KCNN2: variants seen among roughly 807,000 people sequenced by gnomAD.
The protein encoded by KCNN2 is potassium calcium-activated channel subfamily N member 2.
Under a neutral mutation model 55.5 loss-of-function variants are expected in KCNN2, and 24 were observed. The observed-to-expected ratio is 0.43, with a 90% CI of 0.31 to 0.61. The LOEUF (loss-of-function observed/expected upper bound fraction) is 0.61. KCNN2 is among the 20% of genes least tolerant of loss of function. The probability of loss-of-function intolerance (pLI) is 0.08; values close to 1 mark genes in which losing one functional copy is unlikely to be tolerated. For missense variants in KCNN2, 754 were observed against 853.6 expected (o/e 0.88, Z 1.45); for synonymous variants, 431 against 336.1 (o/e 1.28, Z -3.09).
chr5:114,176,969 G>GTTT (rs549401847), intron 1 of KCNN2, among the ~76,000 whole-genome samples: 10 of 151,222 alleles, frequency 6.6e-5, no homozygotes, highest in Admixed American at 6.6e-4. Flanking sequence ...AGGAGGAACA[G>GTTT]TTTTTTTTTA....
At chr5:114,335,005 G>A (rs560486635) in intron 2 of KCNN2, among the ~76,000 whole-genome samples, 1 of 152,160 alleles carries the variant, frequency 6.6e-6, no homozygotes, top group South Asian at 2.1e-4. Context: ...CTCACTGCAA[G>A]CTCTGCCTTC....
At chr5:114,124,146 A>G (rs1262690669) in intron 1 of KCNN2, among the ~76,000 whole-genome samples, 2 of 152,208 alleles carry the variant, frequency 1.3e-5, no homozygotes, top group East Asian at 3.8e-4. Context: ...GTTTGTCATC[A>G]TAATGGCAGG....
At chr5:114,131,154 A>G (rs755401024) in intron 1 of KCNN2, among the ~76,000 whole-genome samples, 9 of 152,116 alleles carry the variant, frequency 5.9e-5, no homozygotes, top group Admixed American at 3.9e-4. Flanking sequence ...GTTCTGGGGT[A>G]CATGTGCAGG....
intron 2 of KCNN2, among the ~76,000 whole-genome samples, chr5:114,284,060 C>T (rs1391833902): frequency 6.6e-6 from 1 of 152,156 alleles, no homozygotes; most frequent in Admixed American, 6.5e-5. Flanking sequence ...ACTTCAGGAC[C>T]TTGAACCTCA....
Position 114,362,758 on chromosome 5 carries a change from C to G in KCNN2, c.619C>G (p.Pro207Ala). The change falls in exon 1 of 8, where the codon CCC (proline) becomes GCC (alanine). Residue 207 changes from proline (P) to alanine (A), a missense_variant. Transcript: ENST00000673685. ...HQPQARRESN[P>A]FTEIAMSSCR... ...GCCCCAGGCGCGCCGCGAGAGCAAC[C>G]CCTTCACCGAAATAGCCATGAGCAG... 1.3e-6 allele frequency: 2 copies of G among 1,565,394 alleles called. No homozygotes were observed. Among genetic ancestry groups the G allele is most frequent in the Non-Finnish European group, 1.7e-6 (2 of 1,162,016 alleles).
At position 114,172,024 on chromosome 5, in the gene KCNN2, G is replaced by T. The variant is rs148816249; in HGVS notation, c.-270-49456G>T. Among the ~76,000 whole-genome samples, 8 of 151,868 alleles carry T rather than the reference G, an allele frequency of 5.3e-5. 1 individual carries two copies. The highest frequency in any genetic ancestry group is 5.3e-4 in the Admixed American group (8 of 15,216). On this transcript the variant is annotated intron_variant, in intron 1 of 10. Transcript: ENST00000512097. Reference sequence around the variant, plus strand: ...TGTGCTCTGGGTTTTAGGAACTCAGGAAACATTATTGATCCTATAATGCTT... The same window carrying T: ...TGTGCTCTGGGTTTTAGGAACTCAGTAAACATTATTGATCCTATAATGCTT...
intron 2 of KCNN2, among the ~76,000 whole-genome samples, chr5:114,293,803 CT>C (rs1188439472): frequency 1.3e-5 from 2 of 152,174 alleles, no homozygotes; most frequent in Non-Finnish European, 2.9e-5. Context: ...TAGAATTCGG[CT>C]GTGAATCCAT....
At chr5:114,163,522 C>T (rs961643094) in intron 1 of KCNN2, among the ~76,000 whole-genome samples, 20 of 152,092 alleles carry the variant, frequency 1.3e-4, no homozygotes, top group African/African-American at 4.8e-4. Context: ...TATCAAAAGC[C>T]TTTTCTGCAT....
intron 2 of KCNN2, among the ~76,000 whole-genome samples, chr5:114,265,734 T>G (rs558034615): frequency 6.6e-6 from 1 of 152,318 alleles, no homozygotes; most frequent in African/African-American, 2.4e-5. Context: ...GAATAATGTT[T>G]GGCTGAATGT....
intron 2 of KCNN2, among the ~76,000 whole-genome samples, chr5:114,296,614 G>A (rs778950173): frequency 7.2e-5 from 11 of 152,108 alleles, no homozygotes; most frequent in Non-Finnish European, 1.5e-4. Context: ...GCCCAAACAC[G>A]TTCCTAAGGG....
chr5:114,056,484 C>A, exon 1 of KCNN2: 1 of 398,552 alleles, frequency 2.5e-6, no homozygotes, highest in South Asian at 1.3e-4. Flanking sequence ...GAGCGGGACT[C>A]CTGGTTGCAG....
rs1754640708 is a variant in KCNN2, at chr5:114,241,783, CGT to C, written c.-185+20219_-185+20220del. Among the ~76,000 whole-genome samples, 3 of 4,162 alleles carry C rather than the reference CGT, an allele frequency of 7.2e-4. 1 individual carries two copies. In the East Asian group the frequency reaches 0.019, roughly 26 times the overall value. The allele number at this position is 4,162 out of a possible 152,430, so 2.7% of individuals were successfully genotyped here. A position where few individuals can be genotyped will look rare whatever the true frequency, so the allele number is the denominator to read the frequency against. On this transcript the variant is annotated intron_variant, in intron 2 of 10. Transcript: ENST00000512097. ...ATATACGTATATATATACATATATA[CGT>C]ATATATATGTATATATATACGTATA... is the stretch of plus-strand genomic sequence containing the variant.
At chr5:114,213,511 A>G (rs1430086936) in intron 1 of KCNN2, among the ~76,000 whole-genome samples, 1 of 151,106 alleles carries the variant, frequency 6.6e-6, no homozygotes, top group Non-Finnish European at 1.5e-5. Flanking sequence ...TTGTGATTTT[A>G]TAATTTGCAT....
intron 1 of KCNN2, among the ~76,000 whole-genome samples, chr5:114,120,826 C>T (rs1179049194): frequency 6.6e-6 from 1 of 152,190 alleles, no homozygotes; most frequent in African/African-American, 2.4e-5. Context: ...GAAATACTGA[C>T]ACTTAGTTCC....
At position 114,334,395 on chromosome 5, in the gene KCNN2, G is replaced by A. The variant is rs148836041; in HGVS notation, c.-184-26550G>A. On this transcript the variant is annotated intron_variant, in intron 2 of 10. Transcript: ENST00000512097. The stretch of plus-strand genomic sequence containing the variant: ...CTCAGGCTCTTTGTCTAAAAAATGG[G>A]GATAAGTCCAGTAGAAAGTGGGCAA... Among the ~76,000 whole-genome samples, 610 of 151,530 alleles carry A rather than the reference G, an allele frequency of 4.0e-3. 4 individuals are homozygous for A. Among genetic ancestry groups the A allele is most frequent in the Middle Eastern group, 0.01 (3 of 294 alleles).
intron 3 of KCNN2, among the ~76,000 whole-genome samples, chr5:114,411,565 T>G (rs1759136085): frequency 6.6e-6 from 1 of 152,044 alleles, no homozygotes. Flanking sequence ...CAGGTGCAAG[T>G]CCTAGAGTCC....
At chr5:114,288,326 A>C (rs1446193970) in intron 2 of KCNN2, among the ~76,000 whole-genome samples, 3 of 152,092 alleles carry the variant, frequency 2.0e-5, no homozygotes, top group African/African-American at 7.2e-5. Flanking sequence ...ACCACTTTTC[A>C]ATTATTTTTA....
chr5:114,387,195 G>T (rs1379859617), intron 2 of KCNN2, among the ~76,000 whole-genome samples: 1 of 152,220 alleles, frequency 6.6e-6, no homozygotes, highest in Non-Finnish European at 1.5e-5. Flanking sequence ...AAAACCAGCT[G>T]TGACCAACAG....
chr5:114,478,422 A>C (rs1320503305), intron 5 of KCNN2, among the ~76,000 whole-genome samples: 1 of 152,238 alleles, frequency 6.6e-6, no homozygotes, highest in African/African-American at 2.4e-5. Flanking sequence ...CATACAACTG[A>C]TTGGGGTACC....
Sources: gnomAD v4.1 joint callset for allele counts (sites outside exome capture counted in the v4.1 genomes callset) on GRCh38, gnomAD v4.1.1 for gene constraint, MANE v1.5 for transcripts, NCBI Gene and HGNC (gene_info 2026-07-23, HGNC 2026-07-21) for gene names.